ANGPTL6: variants seen among roughly 807,000 people sequenced by gnomAD.
ANGPTL6 encodes angiopoietin like 6.
In ANGPTL6, 45 loss-of-function variants were observed where a neutral mutation model predicts 47.4. The ratio of observed to expected loss-of-function variants is 0.95; its 90% CI spans 0.75 to 1.22. The LOEUF (loss-of-function observed/expected upper bound fraction) is 1.22. Ranked by LOEUF, ANGPTL6 falls within the 50% of genes most tolerant of loss-of-function variation. The pLI, the probability that ANGPTL6 is intolerant of heterozygous loss-of-function variation, is 0.00. For missense variants in ANGPTL6, 698 were observed against 669.4 expected, an observed-to-expected ratio of 1.04 and a Z score of -0.47; for synonymous variants, 290 against 295.9, an observed-to-expected ratio of 0.98 and a Z score of 0.20.
At chr19:10,103,259 AACAC>A (rs140405310), upstream of ANGPTL6, among the ~76,000 whole-genome samples, 30 of 150,976 alleles carry the variant, frequency 2.0e-4, no homozygotes, top group East Asian at 1.7e-3. Context: ...AGTGGACACA[AACAC>A]ACACACACAC....
chr19:10,103,843 C>T (rs1431069634), upstream of ANGPTL6, among the ~76,000 whole-genome samples: 1 of 150,116 alleles, frequency 6.7e-6, no homozygotes, highest in Non-Finnish European at 1.5e-5. Flanking sequence ...GCCTGTAATC[C>T]CAGCACTTTG....
intron 5 of ANGPTL6, 113 bp downstream of exon 5, chr19:10,093,236 T>C (rs924079668): frequency 4.4e-6 from 6 of 1,365,984 alleles, no homozygotes; most frequent in Non-Finnish European, 5.0e-6. Flanking sequence ...AAAGCTTGCT[T>C]ATCCTTATAC....
intron 1 of ANGPTL6, among the ~76,000 whole-genome samples, chr19:10,097,000 G>A (rs1310643025): frequency 2.0e-5 from 3 of 151,836 alleles, no homozygotes; most frequent in South Asian, 4.1e-4. Context: ...TCGGGAGGCT[G>A]AGGCAGGAGG....
chr19:10,096,632 C>G (rs997682086), intron 1 of ANGPTL6, 59 bp from the exon 2 acceptor site: 8 of 1,291,780 alleles, frequency 6.2e-6, no homozygotes, highest in Admixed American at 3.5e-5. Flanking sequence ...GAGACCCCTC[C>G]GCTTCCACGC....
chr19:10,096,591 A>G lies in ANGPTL6; in HGVS notation c.-10-18T>C. ...CGGCGGACCTGCAGGCAGAGGAGGA[A>G]CGGAAGGAAGACGGGGTGCTGGGGC... On this transcript the variant is annotated intron_variant, in intron 1 of 5. Coordinates refer to ENST00000253109, the MANE Select transcript of ANGPTL6 (RefSeq NM_031917.3). 4.8e-6 allele frequency: 7 copies of G among 1,470,066 alleles called. No individual in the cohort carries two copies. The highest frequency in any genetic ancestry group is 5.4e-6 in the Non-Finnish European group (6 of 1,116,652). The allele number at this position is 1,470,066 out of a possible 1,614,324, so 91.1% of individuals were successfully genotyped here. A position where few individuals can be genotyped will look rare whatever the true frequency, so the allele number is the denominator to read the frequency against.
chr19:10,095,399 G>A (rs1347112336), intron 2 of ANGPTL6, among the ~76,000 whole-genome samples: 4 of 152,036 alleles, frequency 2.6e-5, no homozygotes, highest in Non-Finnish European at 4.4e-5. Flanking sequence ...GAGACAGAGC[G>A]AGACTCCATC....
In ANGPTL6 at chr19:10,100,613, G is replaced by A. The variant is rs569176854; in HGVS notation, c.-11+1955C>T. Among the ~76,000 whole-genome samples, 45 of 152,346 alleles carry A rather than the reference G, an allele frequency of 3.0e-4. No individual in the cohort carries two copies. In the South Asian group the frequency reaches 7.7e-3, roughly 26 times the overall value. ...CTCACACACACATTGCCTCATTCAT[G>A]CATTCAACCACAGACACCTTGAGTG... On this transcript the variant is annotated intron_variant, in intron 1 of 5. Coordinates refer to ENST00000253109, the MANE Select transcript of ANGPTL6 (RefSeq NM_031917.3).
intron 1 of ANGPTL6, among the ~76,000 whole-genome samples, chr19:10,098,362 C>T (rs2088596015): frequency 6.6e-6 from 1 of 151,226 alleles, no homozygotes; most frequent in African/African-American, 2.4e-5. Context: ...TAAAACAAAA[C>T]AATAACAAAA....
chr19:10,099,358 C>T (rs375197377), intron 1 of ANGPTL6, among the ~76,000 whole-genome samples: 1 of 152,036 alleles, frequency 6.6e-6, no homozygotes, highest in South Asian at 2.1e-4. Flanking sequence ...GGGCGGATCA[C>T]GAGGTCAGGA....
At chr19:10,097,684 T>C (rs2088580917) in intron 1 of ANGPTL6, among the ~76,000 whole-genome samples, 1 of 151,556 alleles carries the variant, frequency 6.6e-6, no homozygotes, top group Non-Finnish European at 1.5e-5. Flanking sequence ...AAACCCCATC[T>C]CTACTAAAAA....
intron 5 of ANGPTL6, 160 bp downstream of exon 5, chr19:10,093,189 G>T: frequency 1.0e-6 from 1 of 999,814 alleles, no homozygotes. Flanking sequence ...CCCCCCACCA[G>T]GATAAAAGTC....
chr19:10,093,131 T>A, intron 5 of ANGPTL6: 1 of 589,318 alleles, frequency 1.7e-6, no homozygotes. Flanking sequence ...TGAACAGGAG[T>A]CTTGATTCTT....
chr19:10,096,444 G>T lies in ANGPTL6; in HGVS notation c.120C>A (p.Gly40=). The change falls in exon 2 of 6, where the codon GGC becomes GGA. Residue 40 remains glycine, a synonymous_variant. Transcript: ENST00000253109. ...ATGCGGGGCCGCTCCAGCACACAGC[G>T]CCCGTGAACTTCTGCGGGGGCAGCA... The part of the protein sequence containing the change: ...TFVLPPQKFT[G]AVCWSGPAST... The T allele has an allele frequency of 6.9e-7, 1 of 1,449,478 alleles. No individual in the cohort carries two copies. Among genetic ancestry groups the T allele is most frequent in the Non-Finnish European group, 9.0e-7 (1 of 1,110,052 alleles). 89.8% of individuals were successfully genotyped at this position (1,449,478 alleles called of 1,614,324 possible). A position where few individuals can be genotyped will look rare whatever the true frequency, so the allele number is the denominator to read the frequency against.
At chr19:10,092,929 A>T in intron 5 of ANGPTL6, 150 bp from the exon 6 acceptor site, 1 of 625,808 alleles carries the variant, frequency 1.6e-6, no homozygotes, top group Non-Finnish European at 2.5e-6. Context: ...GCAAAAAAAT[A>T]GGAGCCCTGG....
rs1021672070 is a variant in ANGPTL6 at position 10,093,429 on chromosome 19, T to C, written c.1142A>G (p.His381Arg). 1 of 1,614,158 alleles carries C rather than the reference T, an allele frequency of 6.2e-7. No homozygotes were observed. Among genetic ancestry groups the C allele is most frequent in the Non-Finnish European group, 8.5e-7 (1 of 1,180,028 alleles). ...GGAAAGAGAGTCTCCAGCATCACCA[T>C]GGTACTGGCCAAGCCGCAGGCGGTA... is the stretch of plus-strand genomic sequence containing the variant. ...DHYRLRLGQY[H>R]GDAGDSLSWH... Residue 381 changes from histidine (H) to arginine (R), a missense_variant, in exon 5 of 6, where the codon CAT becomes CGT. Physicochemically the swap from His to Arg is conservative, Grantham distance 29. Transcript: ENST00000253109.
intron 2 of ANGPTL6, 98 bp downstream of exon 2, chr19:10,095,884 G>A: frequency 1.3e-6 from 1 of 758,628 alleles, no homozygotes; most frequent in Non-Finnish European, 1.8e-6. Flanking sequence ...CCGGTTTTCA[G>A]GGTTTTGCGG....
upstream of ANGPTL6, among the ~76,000 whole-genome samples, chr19:10,103,267 C>T (rs570368625): frequency 7.2e-5 from 11 of 151,878 alleles, 1 homozygote; most frequent in African/African-American, 2.2e-4. Flanking sequence ...CAAACACACA[C>T]ACACACATTT....
chr19:10,093,325 CACCAGAATAGGAGTTCTCCTT>C lies in ANGPTL6; in HGVS notation c.1222+3_1222+23del, dbSNP rs1204881054. 3.7e-6 allele frequency: 6 copies of C among 1,602,030 alleles called. No homozygotes were observed. Among genetic ancestry groups the C allele is most frequent in the Admixed American group, 1.7e-5 (1 of 59,348 alleles). On this transcript the variant is annotated splice_donor_5th_base_variant and intron_variant, in intron 5 of 5. Transcript: ENST00000253109. ...AGGAGTCCCGCCTCCCCTATCCTCT[CACCAGAATAGGAGTTCTCCTT>C]ACCAGAATAGGAGTCTCGGTCCCTA...
chr19:10,102,708 C>G (rs76589705), upstream of ANGPTL6: 1 of 984,604 alleles, frequency 1.0e-6, no homozygotes, highest in Non-Finnish European at 1.2e-6. Flanking sequence ...GGCTTGGTAA[C>G]CACTCCCCAG....
Sources: allele counts gnomAD v4.1 joint callset (sites outside exome capture counted in the v4.1 genomes callset), GRCh38; gene constraint gnomAD v4.1.1; transcripts MANE v1.5; gene names NCBI Gene and HGNC (gene_info 2026-07-23, HGNC 2026-07-21).